GSE1: variants seen among roughly 807,000 people sequenced by gnomAD.
The protein encoded by GSE1 is Gse1 coiled-coil protein.
A neutral mutation model predicts 112.6 loss-of-function variants in GSE1; 32 were observed. That is an observed-to-expected ratio of 0.28 (90% CI 0.21 to 0.38). The LOEUF (loss-of-function observed/expected upper bound fraction) is 0.38. Ranked by LOEUF, GSE1 falls within the 10% of genes least tolerant of loss-of-function variation. The pLI is 1.00. For missense variants in GSE1, 2,348 were observed against 1,699.2 expected (o/e 1.38, Z -6.71); for synonymous variants, 1,115 against 735.6 (o/e 1.52, Z -8.35).
chr16:85,523,437 A>G (rs1447567605), intron 2 of GSE1, among the ~76,000 whole-genome samples: 1 of 152,194 alleles, frequency 6.6e-6, no homozygotes, highest in Non-Finnish European at 1.5e-5. Flanking sequence ...ATACATTGCC[A>G]TCTGGCTGAT....
intron 1 of GSE1, among the ~76,000 whole-genome samples, chr16:85,598,534 C>G (rs2047332329): frequency 6.6e-6 from 1 of 152,228 alleles, no homozygotes; most frequent in African/African-American, 2.4e-5. Flanking sequence ...AAGAAAGCAC[C>G]AGCACTCCAA....
chr16:85,472,808 A>G (rs2050336395), intron 2 of GSE1, among the ~76,000 whole-genome samples: 1 of 152,234 alleles, frequency 6.6e-6, no homozygotes, highest in African/African-American at 2.4e-5. Flanking sequence ...AAGTGAGATG[A>G]CTTTGGCACC....
intron 1 of GSE1, among the ~76,000 whole-genome samples, chr16:85,598,172 T>G (rs1006220764): frequency 2.0e-4 from 29 of 144,462 alleles, no homozygotes; most frequent in African/African-American, 6.8e-4. Context: ...TGGTTGTTTT[T>G]TTTTTTTTTT....
rs573232861 is a variant in GSE1 at position 85,675,159 on chromosome 16, A to G, written c.*2620A>G. The G allele has an allele frequency of 9.5e-4, 145 of 151,982 alleles. 1 individual carries two copies. Among genetic ancestry groups the G allele is most frequent in the African/African-American group, 3.5e-3 (143 of 41,416 alleles). 9.4% of individuals were successfully genotyped at this position (151,982 alleles called of 1,614,324 possible). On this transcript the variant is annotated 3_prime_UTR_variant, in exon 16 of 16. Coordinates refer to ENST00000253458, the MANE Select transcript of GSE1 (RefSeq NM_014615.5). The stretch of plus-strand genomic sequence containing the variant: ...TTAAAAATTGACATGCAATCTCTTA[A>G]GTTTTTTGTTCAGCTACTTCACACT...
Position 85,366,248 on chromosome 16 carries a change from G to A in GSE1, c.2464+8605G>A, listed in dbSNP as rs182554609. ...CAGAGCTCTGCCCCCACTGCCAAGC[G>A]GCAGCTGCTCCGGAGGGCACGGGGG... On this transcript the variant is annotated intron_variant, in intron 2 of 2. Coordinates refer to the GSE1 transcript ENST00000637419. Among the ~76,000 whole-genome samples, 863 of 152,356 alleles carry A rather than the reference G, an allele frequency of 5.7e-3. 2 individuals carry two copies. The highest frequency in any genetic ancestry group is 0.012 in the South Asian group (60 of 4,830).
chr16:85,297,625 T>C (rs2045404651), intron 1 of GSE1, among the ~76,000 whole-genome samples: 1 of 152,118 alleles, frequency 6.6e-6, no homozygotes, highest in African/African-American at 2.4e-5. Context: ...TCAGCCTCCC[T>C]TGTAGCTGGG....
chr16:85,654,942 T>C lies in GSE1; in HGVS notation c.748T>C (p.Tyr250His), dbSNP rs2051786697. 5.6e-6 allele frequency: 9 copies of C among 1,609,748 alleles called. No individual in the cohort carries two copies. Among genetic ancestry groups the C allele is most frequent in the Admixed American group, 1.7e-5 (1 of 59,904 alleles). Residue 250 changes from tyrosine (Y) to histidine (H), a missense_variant, in exon 5 of 16, where the codon TAC becomes CAC. By Grantham distance (83) the Tyr-to-His change is moderately conservative. Transcript: ENST00000253458. ...GLDPATAAAY[Y>H]HPSYLAPHPF... ...GGACCCGGCCACTGCTGCAGCCTACTACCACCCCAGCTACCTGGCCCCACA... is the reference window on the plus strand; with the variant it reads ...GGACCCGGCCACTGCTGCAGCCTACCACCACCCCAGCTACCTGGCCCCACA...
At chr16:85,529,107 G>A (rs2151177699) in intron 2 of GSE1, among the ~76,000 whole-genome samples, 1 of 152,306 alleles carries the variant, frequency 6.6e-6, no homozygotes, top group East Asian at 1.9e-4. Context: ...GGCGGCGCCT[G>A]CAGTTGTCCA....
chr16:85,510,365 A>T (rs1244892455), intron 2 of GSE1, among the ~76,000 whole-genome samples: 1 of 151,596 alleles, frequency 6.6e-6, no homozygotes, highest in Non-Finnish European at 1.5e-5. Context: ...CCCTGGGCTC[A>T]CCCACCGCTT....
intron 14 of GSE1, 101 bp from the exon 15 acceptor site, chr16:85,670,894 A>G: frequency 1.4e-6 from 1 of 723,916 alleles, no homozygotes; most frequent in South Asian, 1.6e-5. Flanking sequence ...CACTGGAGAG[A>G]GGTTTTGGGC....
chr16:85,372,551 C>T (rs1254826818), intron 2 of GSE1, among the ~76,000 whole-genome samples: 2 of 151,668 alleles, frequency 1.3e-5, no homozygotes, highest in Non-Finnish European at 2.9e-5. Context: ...GCAAGTAGTG[C>T]GCACCTCGTG....
At chr16:85,377,140 C>T (rs973622116) in intron 2 of GSE1, among the ~76,000 whole-genome samples, 6 of 152,158 alleles carry the variant, frequency 3.9e-5, no homozygotes, top group African/African-American at 1.4e-4. Context: ...GACGGGGTAC[C>T]CCTGGTAGGC....
rs149550163 is a variant in GSE1, at chr16:85,663,501, C to T, written c.2531C>T (p.Ala844Val). 86 of 1,613,756 alleles carry T rather than the reference C, an allele frequency of 5.3e-5. No homozygotes were observed. Among genetic ancestry groups the T allele is most frequent in the Middle Eastern group, 1.6e-4 (1 of 6,084 alleles). The stretch of plus-strand genomic sequence containing the variant: ...CGGCAGACGCCTTCACCGAGACTGG[C>T]GCTGTCTACCCGCTACAGCCCTGAT... ...SKRQTPSPRLALSTRYSPDEM... is the reference protein window; with the variant it reads ...SKRQTPSPRLVLSTRYSPDEM... Residue 844 changes from alanine (A) to valine (V), a missense_variant, in exon 11 of 16, where the codon GCG (alanine) becomes GTG (valine). Transcript: ENST00000253458.
chr16:85,303,466 C>T (rs1473130714), intron 1 of GSE1, among the ~76,000 whole-genome samples: 1 of 151,580 alleles, frequency 6.6e-6, no homozygotes, highest in East Asian at 1.9e-4. Context: ...CACCAGAGGG[C>T]GCCGCACCCC....
intron 2 of GSE1, among the ~76,000 whole-genome samples, chr16:85,478,921 TTCTTTCTC>T (rs751381881): frequency 0.073 from 4,039 of 55,374 alleles, 438 homozygotes; most frequent in African/African-American, 0.088. Context: ...CTTTCTTTCT[TTCTTTCTC>T]TTTCTTTCTT....
chr16:85,205,380 C>T (rs1415779164), intron 1 of GSE1, among the ~76,000 whole-genome samples: 1 of 152,174 alleles, frequency 6.6e-6, no homozygotes, highest in African/African-American at 2.4e-5. Flanking sequence ...GATCCGCCTG[C>T]CTTGGCCTCC....
At chr16:85,356,891 G>A (rs1179714180) in intron 1 of GSE1, among the ~76,000 whole-genome samples, 2 of 152,180 alleles carry the variant, frequency 1.3e-5, no homozygotes, top group East Asian at 1.9e-4. Flanking sequence ...GCTCAGGATC[G>A]CACCAGGTGC....
intron 1 of GSE1, among the ~76,000 whole-genome samples, chr16:85,246,756 C>G (rs1046762517): frequency 1.3e-5 from 2 of 151,986 alleles, no homozygotes; most frequent in African/African-American, 2.4e-5. Flanking sequence ...TGCCTGGAAG[C>G]AATGAAATGG....
intron 1 of GSE1, among the ~76,000 whole-genome samples, chr16:85,340,427 G>T (rs1432655081): frequency 6.6e-6 from 1 of 152,150 alleles, no homozygotes; most frequent in Non-Finnish European, 1.5e-5. Context: ...ATCACTTGAG[G>T]TGAGGAGTTC....
Sources: allele counts gnomAD v4.1 joint callset (sites outside exome capture counted in the v4.1 genomes callset), GRCh38; gene constraint gnomAD v4.1.1; transcripts MANE v1.5; gene names NCBI Gene and HGNC (gene_info 2026-07-23, HGNC 2026-07-21).